The following ANKRD28 variants were observed in gnomAD, a reference collection of about 807,000 sequenced individuals.
The protein encoded by ANKRD28 is serine/threonine-protein phosphatase 6 regulatory ankyrin repeat subunit A.
A neutral mutation model predicts 126.5 loss-of-function variants in ANKRD28; 44 were observed. That is an observed-to-expected ratio of 0.35 (90% CI 0.27 to 0.45). The LOEUF (loss-of-function observed/expected upper bound fraction) is 0.45. ANKRD28 is among the 20% of genes least tolerant of loss of function. ANKRD28 has a pLI of 1.00. For synonymous variants in ANKRD28, 442 were observed against 468.5 expected, an observed-to-expected ratio of 0.94 and a Z score of 0.73; for missense variants, 1,110 against 1,316.6, an observed-to-expected ratio of 0.84 and a Z score of 2.43.
chr3:15,743,538 G>A (rs1270011091), intron 4 of ANKRD28, among the ~76,000 whole-genome samples: 2 of 136,914 alleles, frequency 1.5e-5, no homozygotes, highest in Non-Finnish European at 3.1e-5. Context: ...GTGCAGTGTG[G>A]CTTTTTAACA....
intron 2 of ANKRD28, among the ~76,000 whole-genome samples, chr3:15,792,894 G>C (rs183736262): frequency 1.3e-5 from 2 of 152,020 alleles, no homozygotes; most frequent in East Asian, 3.9e-4. Context: ...AAATCTATTA[G>C]GTGTGTTACT....
chr3:15,692,717 G>T (rs746807035), intron 17 of ANKRD28, among the ~76,000 whole-genome samples: 1 of 152,180 alleles, frequency 6.6e-6, no homozygotes, highest in African/African-American at 2.4e-5. Context: ...CCTAGAGATA[G>T]ATATGAAATG....
At chr3:15,720,881 T>C (rs1335185324) in intron 8 of ANKRD28, 34 bp downstream of exon 8, 3 of 1,588,562 alleles carry the variant, frequency 1.9e-6, no homozygotes, top group South Asian at 1.1e-5. Flanking sequence ...CAGTGACATA[T>C]GAAATACTTA....
At chr3:15,856,720 C>T (rs933820687) in intron 1 of ANKRD28, among the ~76,000 whole-genome samples, 2 of 152,182 alleles carry the variant, frequency 1.3e-5, no homozygotes, top group Admixed American at 6.5e-5. Flanking sequence ...AATTGACTGG[C>T]TATGAGAACA....
intron 17 of ANKRD28, among the ~76,000 whole-genome samples, chr3:15,692,390 T>C (rs2470546): frequency 0.56 from 85,186 of 152,000 alleles, 24,390 homozygotes; most frequent in Admixed American, 0.63. Context: ...TTCAAGACTG[T>C]AGTGAGCCGT....
intron 18 of ANKRD28, among the ~76,000 whole-genome samples, chr3:15,687,161 T>C (rs939847197): frequency 4.6e-5 from 7 of 151,908 alleles, no homozygotes; most frequent in African/African-American, 1.7e-4. Context: ...GCATGGCTGG[T>C]CTTGAACTCC....
chr3:15,681,493 G>T (rs1419477782), intron 21 of ANKRD28, among the ~76,000 whole-genome samples: 1 of 152,134 alleles, frequency 6.6e-6, no homozygotes, highest in Non-Finnish European at 1.5e-5. Flanking sequence ...CAAATAAAAT[G>T]TTGCTTATTT....
At chr3:15,697,564 C>T (rs781367242) in intron 14 of ANKRD28, among the ~76,000 whole-genome samples, 12 of 151,862 alleles carry the variant, frequency 7.9e-5, no homozygotes, top group African/African-American at 1.7e-4. Context: ...TATTGATTTG[C>T]GTACGTTGAA....
At chr3:15,698,612 C>G (rs1003017799) in intron 14 of ANKRD28, among the ~76,000 whole-genome samples, 1 of 151,990 alleles carries the variant, frequency 6.6e-6, no homozygotes, top group East Asian at 1.9e-4. Flanking sequence ...AAACAGAGAG[C>G]CAAATCATGA....
chr3:15,723,760 C>G (rs537827229), intron 7 of ANKRD28, among the ~76,000 whole-genome samples: 1 of 152,074 alleles, frequency 6.6e-6, no homozygotes, highest in South Asian at 2.1e-4. Flanking sequence ...GACAGAGACC[C>G]TGTTTAAAAA....
At chr3:15,822,991 A>G (rs1442172723) in intron 1 of ANKRD28, among the ~76,000 whole-genome samples, 1 of 152,232 alleles carries the variant, frequency 6.6e-6, no homozygotes, top group South Asian at 2.1e-4. Context: ...TTTATACAAA[A>G]TGGACAAATT....
chr3:15,796,315 C>T (rs1207818515), intron 1 of ANKRD28, 90 bp downstream of exon 1: 1 of 772,398 alleles, frequency 1.3e-6, no homozygotes, highest in East Asian at 8.0e-5. Context: ...TGTAAAGAAA[C>T]TATTGGAAAT....
Position 15,850,761 on chromosome 3 carries a change from A to G in ANKRD28, c.27+8616T>C, listed in dbSNP as rs78295310. 9.4e-3 allele frequency among the ~76,000 whole-genome samples: 1,438 copies of G among 152,292 alleles called. 23 individuals carry two copies. Among genetic ancestry groups the G allele is most frequent in the African/African-American group, 0.033 (1,351 of 41,542 alleles). Reference sequence around the variant, plus strand: ...TTTTGTAACATCCTTTAGAATAAATAAGTAAAAATAAGGTTTTCCCTGAGT... The same window carrying G: ...TTTTGTAACATCCTTTAGAATAAATGAGTAAAAATAAGGTTTTCCCTGAGT... On this transcript the variant is annotated intron_variant, in intron 1 of 27. Transcript: ENST00000399451.
chr3:15,708,184 T>C, intron 13 of ANKRD28, 120 bp from the exon 14 acceptor site: 1 of 1,122,158 alleles, frequency 8.9e-7, no homozygotes, highest in Non-Finnish European at 1.3e-6. Context: ...AGACTTAGAC[T>C]ACCATATACT....
In ANKRD28 at chr3:15,735,475, C is replaced by T. The variant is rs771365452; in HGVS notation, c.575G>A (p.Arg192Lys). ...HGEMVKLLLS[R>K]GANINAFDKK... ...GTCAAAAGCATTAATATTGGCACCT[C>T]TAGACAAGAGTAGTTTGACCATCTG... The change falls in exon 6 of 28, where the codon AGA becomes AAA. Residue 192 changes from arginine (R) to lysine (K), a missense_variant. Transcript: ENST00000683139. 6.4e-7 allele frequency: 1 copy of T among 1,557,166 alleles called. No homozygotes were observed. The highest frequency in any genetic ancestry group is 1.2e-5 in the South Asian group (1 of 84,340).
intron 21 of ANKRD28, chr3:15,685,003 C>T (rs1326122676): frequency 1.8e-6 from 1 of 550,746 alleles, no homozygotes; most frequent in African/African-American, 1.9e-5. Flanking sequence ...AAAAATACTT[C>T]ATGGCTTATC....
At chr3:15,788,040 T>A (rs1383031368) in intron 2 of ANKRD28, among the ~76,000 whole-genome samples, 1 of 152,066 alleles carries the variant, frequency 6.6e-6, no homozygotes, top group Non-Finnish European at 1.5e-5. Context: ...CTCTTTAGAG[T>A]TTAAAAAGGG....
In ANKRD28 at chr3:15,816,813, G is replaced by A. The variant is rs2060841127; in HGVS notation, c.28-21507C>T. 6.6e-6 allele frequency among the ~76,000 whole-genome samples: 1 copy of A among 152,156 alleles called. No individual in the cohort carries two copies. The highest frequency in any genetic ancestry group is 2.1e-4 in the South Asian group (1 of 4,826). The stretch of plus-strand genomic sequence containing the variant: ...GAGAGATAGGAAGCTAGGATAATGA[G>A]TAAATCCAAACTGAGAGTAAATATG... On this transcript the variant is annotated intron_variant, in intron 1 of 27. Coordinates refer to the ANKRD28 transcript ENST00000399451. The surrounding 1 kb of genome is among the most constrained non-coding windows in gnomAD (Gnocchi z 5.0).
chr3:15,744,599 G>C (rs552261123), intron 4 of ANKRD28, among the ~76,000 whole-genome samples: 1 of 152,204 alleles, frequency 6.6e-6, no homozygotes, highest in East Asian at 1.9e-4. Context: ...TTCCAGGCGT[G>C]AGCCACCGCG....
Sources: allele counts gnomAD v4.1 joint callset (sites outside exome capture counted in the v4.1 genomes callset), GRCh38; gene constraint gnomAD v4.1.1; non-coding constraint Gnocchi (gnomAD v3.1); transcripts MANE v1.5; gene names NCBI Gene and HGNC (gene_info 2026-07-23, HGNC 2026-07-21).